DLG2: variants seen among roughly 807,000 people sequenced by gnomAD.
The protein encoded by DLG2 is disks large homolog 2.
Under a neutral mutation model 132.5 loss-of-function variants are expected in DLG2, and 45 were observed. The observed-to-expected ratio is 0.34, with a 90% confidence interval of 0.27 to 0.44. The LOEUF (loss-of-function observed/expected upper bound fraction) is 0.44, where lower values mean the gene tolerates loss of function less well. Among genes scored for constraint, DLG2 ranks in the 20% least tolerant of loss-of-function variants. DLG2 has a pLI of 1.00. For synonymous variants in DLG2, 424 were observed against 419.6 expected, an observed-to-expected ratio of 1.01 and a Z score of -0.13; for missense variants, 1,045 against 1,196.9, an observed-to-expected ratio of 0.87 and a Z score of 1.87.
intron 6 of DLG2, among the ~76,000 whole-genome samples, chr11:85,023,168 G>T (rs532684453): frequency 6.6e-6 from 1 of 151,914 alleles, no homozygotes; most frequent in African/African-American, 2.4e-5. Context: ...AACAAGAAGG[G>T]TGCTTTATTT....
chr11:84,465,286 G>A (rs968818887), intron 7 of DLG2, among the ~76,000 whole-genome samples: 3 of 151,112 alleles, frequency 2.0e-5, no homozygotes, highest in African/African-American at 7.3e-5. Flanking sequence ...TGTTTAACCG[G>A]GAAAGTTGCC....
At chr11:84,971,002 G>A (rs1026672390) in intron 6 of DLG2, among the ~76,000 whole-genome samples, 5 of 151,952 alleles carry the variant, frequency 3.3e-5, no homozygotes, top group Admixed American at 1.3e-4. Flanking sequence ...AATTACTTGG[G>A]GTATAAGGAA....
chr11:83,695,294 G>A (rs533034799), intron 18 of DLG2, among the ~76,000 whole-genome samples: 2 of 152,258 alleles, frequency 1.3e-5, no homozygotes, highest in African/African-American at 4.8e-5. Context: ...CCCTTAAGAC[G>A]TTCACAGAAC....
intron 6 of DLG2, among the ~76,000 whole-genome samples, chr11:84,554,875 T>G (rs1165042995): frequency 6.6e-6 from 1 of 152,120 alleles, no homozygotes; most frequent in Non-Finnish European, 1.5e-5. Context: ...TTAACTGAAG[T>G]CAGAGGAATG....
chr11:84,648,140 A>G (rs1391595884), intron 6 of DLG2, among the ~76,000 whole-genome samples: 2 of 152,202 alleles, frequency 1.3e-5, no homozygotes, highest in East Asian at 3.9e-4. Flanking sequence ...TACCCAAGTC[A>G]TCTTATTTGG....
intron 10 of DLG2, among the ~76,000 whole-genome samples, chr11:84,089,901 C>G (rs560963357): frequency 6.6e-6 from 1 of 152,208 alleles, no homozygotes; most frequent in South Asian, 2.1e-4. Context: ...TGTAAAATGT[C>G]ATTGCTGCAT....
intron 6 of DLG2, among the ~76,000 whole-genome samples, chr11:85,024,338 G>A (rs1165519252): frequency 6.6e-6 from 1 of 152,130 alleles, no homozygotes; most frequent in Non-Finnish European, 1.5e-5. Context: ...ATTTAAACAT[G>A]ACAACCTTTG....
At chr11:84,151,484 T>A (rs552454979) in intron 9 of DLG2, among the ~76,000 whole-genome samples, 1 of 152,260 alleles carries the variant, frequency 6.6e-6, no homozygotes, top group East Asian at 1.9e-4. Context: ...CTTGTTTATC[T>A]TTTTAAAGAA....
chr11:84,207,636 T>C (rs1357337553), intron 8 of DLG2, among the ~76,000 whole-genome samples: 1 of 152,192 alleles, frequency 6.6e-6, no homozygotes, highest in African/African-American at 2.4e-5. Flanking sequence ...ACAACAAGTA[T>C]TTTGTGATGG....
intron 7 of DLG2, among the ~76,000 whole-genome samples, chr11:84,484,935 T>C (rs1353002623): frequency 2.6e-5 from 4 of 152,186 alleles, no homozygotes; most frequent in Non-Finnish European, 5.9e-5. Flanking sequence ...TAACACTTTA[T>C]TGTACATCTA....
At chr11:85,101,955 T>A (rs2070915656) in intron 6 of DLG2, among the ~76,000 whole-genome samples, 1 of 152,000 alleles carries the variant, frequency 6.6e-6, no homozygotes, top group Admixed American at 6.6e-5. Context: ...ATAAATAAGA[T>A]GAGATTAGCA....
intron 19 of DLG2, among the ~76,000 whole-genome samples, chr11:83,607,644 TA>T (rs1265717934): frequency 6.6e-6 from 1 of 152,196 alleles, no homozygotes; most frequent in Non-Finnish European, 1.5e-5. Context: ...ATGCATCTTT[TA>T]AAAAAGATTT....
intron 10 of DLG2, among the ~76,000 whole-genome samples, chr11:84,069,646 T>G (rs2096728150): frequency 6.6e-6 from 1 of 152,204 alleles, no homozygotes; most frequent in African/African-American, 2.4e-5. Flanking sequence ...GTTTTTCCCC[T>G]CTATTTGCCA....
At chr11:83,991,935 T>C (rs557926875) in intron 11 of DLG2, among the ~76,000 whole-genome samples, 1 of 152,252 alleles carries the variant, frequency 6.6e-6, no homozygotes, top group Admixed American at 6.6e-5. Context: ...GGTCCATTGA[T>C]TGGTGCCCTT....
intron 6 of DLG2, among the ~76,000 whole-genome samples, chr11:84,652,026 G>A (rs2099682637): frequency 6.6e-6 from 1 of 152,138 alleles, no homozygotes; most frequent in Non-Finnish European, 1.5e-5. Context: ...GAGAGTTTTA[G>A]AGGGAAGAGA....
intron 6 of DLG2, among the ~76,000 whole-genome samples, chr11:84,912,153 T>C (rs1180124861): frequency 6.6e-6 from 1 of 152,038 alleles, no homozygotes; most frequent in Non-Finnish European, 1.5e-5. Flanking sequence ...ATTTATTTAT[T>C]TATTTATTTA....
At chr11:84,851,805 G>A (rs571297029) in intron 6 of DLG2, among the ~76,000 whole-genome samples, 256 of 151,544 alleles carry the variant, frequency 1.7e-3, no homozygotes, top group Middle Eastern at 3.4e-3. Flanking sequence ...TAATAATATC[G>A]TTTTCAAAGT....
chr11:85,410,024 T>C (rs1267013200), intron 3 of DLG2, among the ~76,000 whole-genome samples: 1 of 151,868 alleles, frequency 6.6e-6, no homozygotes, highest in African/African-American at 2.4e-5. Context: ...CAGGTTTTAG[T>C]ACGGAATGGC....
chr11:85,349,237 TCTAA>T (rs2152875779), intron 3 of DLG2, among the ~76,000 whole-genome samples: 2 of 151,916 alleles, frequency 1.3e-5, no homozygotes, highest in East Asian at 3.9e-4. Flanking sequence ...AGACCTTAAC[TCTAA>T]CTGAGCAGAC....
Sources: allele counts gnomAD v4.1 joint callset (sites outside exome capture counted in the v4.1 genomes callset), GRCh38; gene constraint gnomAD v4.1.1; transcripts MANE v1.5; gene names NCBI Gene and HGNC (gene_info 2026-07-23, HGNC 2026-07-21).